The following STAT4 variants were observed in gnomAD, a reference collection of about 807,000 sequenced individuals.
STAT4 encodes the protein signal transducer and activator of transcription 4.
Under a neutral mutation model 110.5 loss-of-function variants are expected in STAT4, and 42 were observed. The observed-to-expected ratio is 0.38, with a 90% confidence interval of 0.30 to 0.49. The LOEUF (loss-of-function observed/expected upper bound fraction) is 0.49, where lower values mean the gene tolerates loss of function less well. STAT4 is among the 20% of genes least tolerant of loss of function. The probability of loss-of-function intolerance (pLI) is 0.95; values close to 1 mark genes in which losing one functional copy is unlikely to be tolerated. For synonymous variants in STAT4, 284 were observed against 302.2 expected, an observed-to-expected ratio of 0.94 and a Z score of 0.63; for missense variants, 632 against 887.9, an observed-to-expected ratio of 0.71 and a Z score of 3.66.
chr2:191,151,010 A>G (rs1026820037), upstream of STAT4: 8 of 985,468 alleles, frequency 8.1e-6, no homozygotes, highest in Middle Eastern at 5.2e-4. The surrounding 1 kb of genome is among the most constrained non-coding windows in gnomAD (Gnocchi z 4.7). Flanking sequence ...CGCCCCTCAC[A>G]GTCCCTAGGA....
chr2:191,097,275 A>G (rs1010847785), intron 3 of STAT4, among the ~76,000 whole-genome samples: 1 of 152,224 alleles, frequency 6.6e-6, no homozygotes, highest in Non-Finnish European at 1.5e-5. Flanking sequence ...ACTACTTTGA[A>G]GTTTTTATGG....
In STAT4 at chr2:191,106,512, C is replaced by T. The variant is rs1007528334; in HGVS notation, c.274-30187G>A. 9.2e-5 allele frequency among the ~76,000 whole-genome samples: 14 copies of T among 151,766 alleles called. No homozygotes were observed. The South Asian group carries it at 1.5e-3, about 16-fold the overall frequency. On this transcript the variant is annotated intron_variant, in intron 3 of 23. Transcript: ENST00000392320. ...TCTACTAAAAATACAAAAAATTAGCCGGGCATGGTGGCGCATGCCTGTAGT... is the reference window on the plus strand; with the variant it reads ...TCTACTAAAAATACAAAAAATTAGCTGGGCATGGTGGCGCATGCCTGTAGT...
At chr2:191,123,995 AG>A (rs1297844325) in intron 3 of STAT4, among the ~76,000 whole-genome samples, 1 of 152,226 alleles carries the variant, frequency 6.6e-6, no homozygotes, top group African/African-American at 2.4e-5. Context: ...TTCCATCCTT[AG>A]AAACTGCTGA....
chr2:191,036,778 G>A (rs1696056751), intron 16 of STAT4, among the ~76,000 whole-genome samples: 1 of 152,178 alleles, frequency 6.6e-6, no homozygotes, highest in African/African-American at 2.4e-5. Flanking sequence ...TTTCTTCTGA[G>A]GAGGCAAGAA....
chr2:191,125,476 T>TTTATTATTA (rs6147087), intron 3 of STAT4, among the ~76,000 whole-genome samples: 4,124 of 137,976 alleles, frequency 0.03, 129 homozygotes, highest in African/African-American at 0.071. Flanking sequence ...ATCCTCATTA[T>TTTATTATTA]TTATTATTAT....
chr2:191,109,071 A>C lies in STAT4; in HGVS notation c.274-32746T>G, dbSNP rs189779994. Among the ~76,000 whole-genome samples the C allele has an allele frequency of 2.6e-5, 4 of 152,306 alleles. No individual in the cohort carries two copies. The South Asian group carries it at 6.2e-4, about 24-fold the overall frequency. On this transcript the variant is annotated intron_variant, in intron 3 of 23. Transcript: ENST00000392320. The stretch of plus-strand genomic sequence containing the variant: ...CTATCTGAATTGCAATGCACTATTA[A>C]GTGTATCTGCTACTGAGAAGAGAAG...
rs2125197590 is a variant in STAT4, at chr2:191,051,844, A to G, written c.1251+2646T>C. Among the ~76,000 whole-genome samples the G allele has an allele frequency of 6.6e-6, 1 of 152,294 alleles. No homozygotes were observed. Among genetic ancestry groups the G allele is most frequent in the Admixed American group, 6.5e-5 (1 of 15,304 alleles). ...GCCATCAACTGCCCCCACTATCTTGAGTAAGCTGTGTGACCACTCTGTGCC... is the reference window on the plus strand; with the variant it reads ...GCCATCAACTGCCCCCACTATCTTGGGTAAGCTGTGTGACCACTCTGTGCC... On this transcript the variant is annotated intron_variant, in intron 14 of 23. Transcript: ENST00000392320. This position sits in a 1 kb window ranked among gnomAD's most constrained non-coding sequence, Gnocchi z 5.6.
Position 191,050,197 on chromosome 2 carries a change from TCAAA to T in STAT4, c.1251+4289_1251+4292del, listed in dbSNP as rs542667828. 5.3e-5 allele frequency among the ~76,000 whole-genome samples: 8 copies of T among 152,324 alleles called. No individual in the cohort carries two copies. Among genetic ancestry groups the T allele is most frequent in the Admixed American group, 5.2e-4 (8 of 15,308 alleles). On this transcript the variant is annotated intron_variant, in intron 14 of 23. Transcript: ENST00000392320. This position sits in a 1 kb window ranked among gnomAD's most constrained non-coding sequence, Gnocchi z 4.3. ...GAAACTGCAATTCCAGCTTCTCTAT[TCAAA>T]CAGTTTTCACATTTCAATAATCACT...
intron 3 of STAT4, among the ~76,000 whole-genome samples, chr2:191,096,331 G>T (rs1011891093): frequency 2.0e-5 from 3 of 152,168 alleles, no homozygotes; most frequent in Non-Finnish European, 4.4e-5. Context: ...GAGAATTTTA[G>T]ACCAATATTT....
In STAT4 at chr2:191,143,425, T is replaced by C. The variant is rs187382896; in HGVS notation, c.273+3188A>G. 2.8e-4 allele frequency among the ~76,000 whole-genome samples: 43 copies of C among 152,238 alleles called. No individual in the cohort carries two copies. Among genetic ancestry groups the C allele is most frequent in the Middle Eastern group, 6.8e-3 (2 of 292 alleles). On this transcript the variant is annotated intron_variant, in intron 3 of 23. Coordinates refer to ENST00000392320, the MANE Select transcript of STAT4 (RefSeq NM_003151.4). This position sits in a 1 kb window ranked among gnomAD's most constrained non-coding sequence, Gnocchi z 5.6. ...GGGCCAGGATTCAAGTAACCCTTGCTCCTGGGTGTGAGTCTGCCTCCCCTT... is the reference window on the plus strand; with the variant it reads ...GGGCCAGGATTCAAGTAACCCTTGCCCCTGGGTGTGAGTCTGCCTCCCCTT...
At chr2:191,055,605 G>T (rs867155551) in intron 13 of STAT4, among the ~76,000 whole-genome samples, 1 of 151,734 alleles carries the variant, frequency 6.6e-6, no homozygotes, top group Non-Finnish European at 1.5e-5. Flanking sequence ...CACCCTCCTC[G>T]GCCTCCCAAA....
At chr2:191,076,046 G>T (rs577862368) in intron 4 of STAT4, 181 bp downstream of exon 4, 60 of 536,588 alleles carry the variant, frequency 1.1e-4, no homozygotes, top group African/African-American at 1.1e-3. Context: ...TGGAGACAGG[G>T]TCTTGCTGCA....
intron 5 of STAT4, 62 bp downstream of exon 5, chr2:191,073,036 T>C (rs1697211073): frequency 7.3e-7 from 1 of 1,375,252 alleles, no homozygotes; most frequent in Non-Finnish European, 1.0e-6. Flanking sequence ...CATGGGAGAA[T>C]GGTGCATAGT....
rs1339534110 is a variant in STAT4 at position 191,086,749 on chromosome 2, C to T, written c.274-10424G>A. Reference sequence around the variant, plus strand: ...AAACTAATATTTTCAATTTTTTTCTCCCATGTTTCTGACTTGAAATTGCTA... The same window carrying T: ...AAACTAATATTTTCAATTTTTTTCTTCCATGTTTCTGACTTGAAATTGCTA... On this transcript the variant is annotated intron_variant, in intron 3 of 23. Transcript: ENST00000392320. This position sits in a 1 kb window ranked among gnomAD's most constrained non-coding sequence, Gnocchi z 5.5. 6.6e-6 allele frequency among the ~76,000 whole-genome samples: 1 copy of T among 152,062 alleles called. No individual in the cohort carries two copies. Among genetic ancestry groups the T allele is most frequent in the African/African-American group, 2.4e-5 (1 of 41,420 alleles).
At chr2:191,057,710 T>C (rs1415559124) in intron 13 of STAT4, among the ~76,000 whole-genome samples, 2 of 151,542 alleles carry the variant, frequency 1.3e-5, no homozygotes, top group African/African-American at 2.4e-5. Flanking sequence ...GTGATTCTCC[T>C]GCCTCAGCCT....
rs1387307442 is a variant in STAT4, at chr2:191,091,668, G to T, written c.274-15343C>A. On this transcript the variant is annotated intron_variant, in intron 3 of 23. Coordinates refer to ENST00000392320, the MANE Select transcript of STAT4 (RefSeq NM_003151.4). This position sits in a 1 kb window ranked among gnomAD's most constrained non-coding sequence, Gnocchi z 5.4. ...GCTAATTTCTTACTGCTTGAAATCT[G>T]TCAGGGAATTTTCTAACTGCTCTGT... Among the ~76,000 whole-genome samples, 1 of 152,170 alleles carries T rather than the reference G, an allele frequency of 6.6e-6. No individual in the cohort carries two copies. Among genetic ancestry groups the T allele is most frequent in the East Asian group, 1.9e-4 (1 of 5,180 alleles).
At chr2:191,137,569 G>C (rs921964053) in intron 3 of STAT4, among the ~76,000 whole-genome samples, 13 of 152,092 alleles carry the variant, frequency 8.5e-5, no homozygotes, top group Non-Finnish European at 1.2e-4. Context: ...AAAGCAATCT[G>C]AGCAAAAAGA....
At chr2:191,052,529 C>T (rs1192449809) in intron 14 of STAT4, among the ~76,000 whole-genome samples, 1 of 152,186 alleles carries the variant, frequency 6.6e-6, no homozygotes, top group Non-Finnish European at 1.5e-5. Flanking sequence ...GGTTTTTCTA[C>T]AGTGGAAGAT....
At chr2:191,055,512 C>A (rs116286108) in intron 13 of STAT4, among the ~76,000 whole-genome samples, 1,787 of 151,360 alleles carry the variant, frequency 0.012, 23 homozygotes, top group Non-Finnish European at 0.019. Flanking sequence ...AGCCACTGCG[C>A]CAGGCTAATT....
Sources: allele counts gnomAD v4.1 joint callset (sites outside exome capture counted in the v4.1 genomes callset), GRCh38; gene constraint gnomAD v4.1.1; non-coding constraint Gnocchi (gnomAD v3.1); transcripts MANE v1.5; gene names NCBI Gene and HGNC (gene_info 2026-07-23, HGNC 2026-07-21).